Variants in RAB38 observed in about 807,000 individuals in gnomAD.
RAB38 encodes RAB38, member RAS oncogene family.
In RAB38, 15 loss-of-function variants were observed where a neutral mutation model predicts 18.4. That is an observed-to-expected ratio of 0.82 (90% CI 0.55 to 1.26). The LOEUF is 1.26. Ranked by LOEUF, RAB38 falls within the 50% of genes most tolerant of loss-of-function variation. The pLI, the probability that RAB38 is intolerant of heterozygous loss-of-function variation, is 0.00. For missense variants in RAB38, 294 were observed against 267.4 expected, an observed-to-expected ratio of 1.10 and a Z score of -0.69; for synonymous variants, 101 against 104.4, an observed-to-expected ratio of 0.97 and a Z score of 0.20.
the RAB38 span, among the ~76,000 whole-genome samples, chr11:88,005,836 G>A: frequency 6.6e-6 from 1 of 151,426 alleles, no homozygotes; most frequent in African/African-American, 2.4e-5. Flanking sequence ...AGTTTTCCCA[G>A]CATTGTTTAT....
chr11:88,153,398 C>A (rs1943086697), intron 1 of RAB38, among the ~76,000 whole-genome samples: 1 of 152,176 alleles, frequency 6.6e-6, no homozygotes, highest in South Asian at 2.1e-4. Context: ...CATCTTCTAA[C>A]TCCCTCCTCA....
intron 1 of RAB38, among the ~76,000 whole-genome samples, chr11:88,169,076 G>T (rs1943278242): frequency 1.3e-5 from 2 of 152,182 alleles, no homozygotes; most frequent in South Asian, 4.1e-4. Flanking sequence ...TCCAGAACAG[G>T]TATGTAAAAA....
chr11:87,814,081 C>T, the RAB38 span, among the ~76,000 whole-genome samples: 1 of 152,106 alleles, frequency 6.6e-6, no homozygotes, highest in Admixed American at 6.5e-5. Context: ...GCAGACCCAT[C>T]TAGACATTTT....
chr11:88,143,203 A>G (rs1434293241), intron 2 of RAB38, among the ~76,000 whole-genome samples: 1 of 152,244 alleles, frequency 6.6e-6, no homozygotes, highest in Non-Finnish European at 1.5e-5. Context: ...TTCATCTGTG[A>G]ACAGAAAAAG....
At chr11:88,123,744 G>C (rs935852854) in intron 2 of RAB38, among the ~76,000 whole-genome samples, 3 of 152,106 alleles carry the variant, frequency 2.0e-5, no homozygotes, top group Non-Finnish European at 2.9e-5. Context: ...TTACCTATAA[G>C]GCAGAGATAA....
the RAB38 span, among the ~76,000 whole-genome samples, chr11:87,870,085 T>C: frequency 6.6e-6 from 1 of 151,738 alleles, no homozygotes; most frequent in East Asian, 1.9e-4. Flanking sequence ...ACATATAAGA[T>C]GTTTTTAAAA....
chr11:88,031,860 A>T, the RAB38 span, among the ~76,000 whole-genome samples: 2 of 152,310 alleles, frequency 1.3e-5, no homozygotes, highest in South Asian at 4.2e-4. Flanking sequence ...GACTTTCTTC[A>T]CAGAATTGGA....
the RAB38 span, among the ~76,000 whole-genome samples, chr11:87,949,299 GCTAGCAGT>G: frequency 2.0e-5 from 3 of 151,862 alleles, no homozygotes; most frequent in African/African-American, 7.3e-5. Context: ...TGTTAGTTTT[GCTAGCAGT>G]CTATCAGTTT....
At chr11:87,962,757 G>T in the RAB38 span, among the ~76,000 whole-genome samples, 1 of 152,112 alleles carries the variant, frequency 6.6e-6, no homozygotes, top group African/African-American at 2.4e-5. Context: ...ATTGCACAGC[G>T]TGCTGACTAT....
At chr11:87,921,390 G>A in the RAB38 span, among the ~76,000 whole-genome samples, 3 of 151,696 alleles carry the variant, frequency 2.0e-5, no homozygotes, top group Admixed American at 6.6e-5. Context: ...AGATGATTTC[G>A]CCCAACCGTA....
chr11:88,034,538 T>C, the RAB38 span, among the ~76,000 whole-genome samples: 5 of 152,366 alleles, frequency 3.3e-5, no homozygotes, highest in Middle Eastern at 3.4e-3. Flanking sequence ...ATTTTATCCA[T>C]TATGACAGAT....
At chr11:88,086,259 T>C in the RAB38 span, among the ~76,000 whole-genome samples, 19,524 of 151,944 alleles carry the variant, frequency 0.13, 1,392 homozygotes, top group Admixed American at 0.2. Flanking sequence ...TTTTGATTTC[T>C]ATGCCAGTAA....
At chr11:87,824,980 G>A in the RAB38 span, among the ~76,000 whole-genome samples, 3 of 138,638 alleles carry the variant, frequency 2.2e-5, no homozygotes, top group African/African-American at 9.4e-5. Context: ...ACTTTTGAAA[G>A]AGAGAGAGAG....
chr11:88,174,198 C>T (rs1476705680), intron 1 of RAB38: 4 of 664,860 alleles, frequency 6.0e-6, no homozygotes, highest in Non-Finnish European at 7.4e-6. Context: ...TGTCCAAAGC[C>T]ACTGAGCAGG....
the RAB38 span, among the ~76,000 whole-genome samples, chr11:87,861,592 G>A: frequency 6.6e-6 from 1 of 151,702 alleles, no homozygotes; most frequent in Non-Finnish European, 1.5e-5. Flanking sequence ...TTTCTAGAGG[G>A]CCAAAAAGTG....
At chr11:87,970,813 C>T in the RAB38 span, among the ~76,000 whole-genome samples, 441 of 152,178 alleles carry the variant, frequency 2.9e-3, 8 homozygotes, top group East Asian at 0.039. Context: ...AAGCTGACAG[C>T]TGACTTCAGA....
chr11:87,967,864 A>G, the RAB38 span, among the ~76,000 whole-genome samples: 1 of 152,156 alleles, frequency 6.6e-6, no homozygotes, highest in Admixed American at 6.5e-5. Context: ...ATAATAGGAA[A>G]TGCCCTGCGG....
chr11:87,872,505 C>A, the RAB38 span, among the ~76,000 whole-genome samples: 1 of 151,428 alleles, frequency 6.6e-6, no homozygotes, highest in African/African-American at 2.4e-5. Context: ...AATTTACGTT[C>A]TATGGGTTTT....
intron 2 of RAB38, among the ~76,000 whole-genome samples, chr11:88,134,863 C>T (rs1188195102): frequency 6.6e-6 from 1 of 152,126 alleles, no homozygotes; most frequent in Non-Finnish European, 1.5e-5. Context: ...CACAAAAATC[C>T]AAAATTCTTA....
Sources: allele counts gnomAD v4.1 joint callset (sites outside exome capture counted in the v4.1 genomes callset), GRCh38; gene constraint gnomAD v4.1.1; transcripts MANE v1.5; gene names NCBI Gene and HGNC (gene_info 2026-07-23, HGNC 2026-07-21).